The following FBXW11 variants were observed in gnomAD, a reference collection of about 807,000 sequenced individuals.
FBXW11 encodes the protein F-box/WD repeat-containing protein 11.
A neutral mutation model predicts 77.6 loss-of-function variants in FBXW11; 19 were observed. The ratio of observed to expected loss-of-function variants is 0.24; its 90% CI spans 0.17 to 0.36. The LOEUF is 0.36. Ranked by LOEUF, FBXW11 falls within the 10% of genes least tolerant of loss-of-function variation. The pLI is 1.00. For missense variants in FBXW11, 334 were observed against 704.2 expected (o/e 0.47, Z 5.95); for synonymous variants, 235 against 249.4 (o/e 0.94, Z 0.54).
At chr5:171,939,621 C>T (rs1432054291) in intron 2 of FBXW11, among the ~76,000 whole-genome samples, 1 of 150,988 alleles carries the variant, frequency 6.6e-6, no homozygotes, top group East Asian at 1.9e-4. Context: ...TCACTTGATC[C>T]CAGGAGTGGA....
intron 1 of FBXW11, among the ~76,000 whole-genome samples, chr5:171,983,114 C>T (rs1354844088): frequency 6.6e-6 from 1 of 151,994 alleles, no homozygotes; most frequent in Non-Finnish European, 1.5e-5. Context: ...TGCTTAAGCC[C>T]GAAAGGTCAA....
At chr5:171,926,477 G>A (rs755661847) in intron 2 of FBXW11, among the ~76,000 whole-genome samples, 8 of 152,132 alleles carry the variant, frequency 5.3e-5, no homozygotes, top group Non-Finnish European at 1.0e-4. Context: ...TCATGGGAGC[G>A]GTTTCTCATG....
At position 171,891,539 on chromosome 5, in the gene FBXW11, A is replaced by G. The variant is rs756863609; in HGVS notation, c.780T>C (p.Asn260=). ...ACTGTAAACAGTAGACACCTTTACT[A>G]TTTTCAGAGCGGCACTGAATCCTCT... is the stretch of plus-strand genomic sequence containing the variant. ...NLQRIQCRSE[N]SKGVYCLQYD... The change falls in exon 7 of 14, where the codon AAT becomes AAC. Residue 260 remains asparagine, a synonymous_variant. Transcript: ENST00000517395. 8 of 1,611,608 alleles carry G rather than the reference A, an allele frequency of 5.0e-6. No homozygotes were observed.
At chr5:171,973,590 T>C (rs1462970064) in intron 1 of FBXW11, among the ~76,000 whole-genome samples, 1 of 152,204 alleles carries the variant, frequency 6.6e-6, no homozygotes, top group Non-Finnish European at 1.5e-5. Context: ...AGTGTAAGGA[T>C]GGTATCCTGG....
At chr5:171,960,453 A>G (rs1374460506) in intron 1 of FBXW11, among the ~76,000 whole-genome samples, 1 of 152,210 alleles carries the variant, frequency 6.6e-6, no homozygotes, top group East Asian at 1.9e-4. Flanking sequence ...ACGTAAATCA[A>G]TTTTTACTTA....
At chr5:171,964,204 T>C (rs1764061739) in intron 1 of FBXW11, among the ~76,000 whole-genome samples, 1 of 152,204 alleles carries the variant, frequency 6.6e-6, no homozygotes, top group South Asian at 2.1e-4. Context: ...TTACCAACTT[T>C]CATACTCAGT....
chr5:171,936,177 T>G (rs2113124939), intron 2 of FBXW11, among the ~76,000 whole-genome samples: 1 of 149,932 alleles, frequency 6.7e-6, no homozygotes, highest in South Asian at 2.1e-4. Flanking sequence ...CATGTCATAT[T>G]CAGACAAAGA....
At chr5:171,889,074 G>GA (rs1427262942) in intron 7 of FBXW11, among the ~76,000 whole-genome samples, 16 of 152,086 alleles carry the variant, frequency 1.1e-4, no homozygotes, top group Admixed American at 1.0e-3. Context: ...AATTGGTACA[G>GA]AAAAAAATAT....
At chr5:171,945,743 C>G (rs757696529) in intron 2 of FBXW11, among the ~76,000 whole-genome samples, 3 of 152,182 alleles carry the variant, frequency 2.0e-5, no homozygotes, top group Non-Finnish European at 4.4e-5. Flanking sequence ...TCCAAATCAC[C>G]GCTGACTAAA....
intron 10 of FBXW11, among the ~76,000 whole-genome samples, chr5:171,872,550 C>T (rs1757816795): frequency 6.6e-6 from 1 of 152,080 alleles, no homozygotes; most frequent in African/African-American, 2.4e-5. Context: ...GGTGGGAGCT[C>T]ACAGGTGAGG....
chr5:171,986,136 G>A (rs573985625), intron 1 of FBXW11, among the ~76,000 whole-genome samples: 9 of 152,242 alleles, frequency 5.9e-5, no homozygotes, highest in African/African-American at 1.2e-4. Context: ...GGCCAGGAGC[G>A]GTGGCTCACA....
intron 3 of FBXW11, among the ~76,000 whole-genome samples, chr5:171,913,818 T>TACATACAC (rs1761041404): frequency 1.5e-5 from 1 of 65,324 alleles, no homozygotes; most frequent in Admixed American, 1.7e-4. Context: ...CACACACACA[T>TACATACAC]ACACACACAC....
intron 1 of FBXW11, among the ~76,000 whole-genome samples, chr5:171,965,342 T>C (rs1323988698): frequency 2.6e-5 from 4 of 152,006 alleles, no homozygotes; most frequent in Admixed American, 6.6e-5. Context: ...CTGGCCAACA[T>C]AGTGAAAGCC....
chr5:171,971,815 T>G (rs1013317090), intron 1 of FBXW11, among the ~76,000 whole-genome samples: 3 of 152,110 alleles, frequency 2.0e-5, no homozygotes, highest in Admixed American at 1.3e-4. Flanking sequence ...AAACCTTATC[T>G]CTACAAAAGA....
intron 2 of FBXW11, among the ~76,000 whole-genome samples, chr5:171,937,925 T>TA: frequency 6.6e-6 from 1 of 151,802 alleles, no homozygotes; most frequent in East Asian, 1.9e-4. Context: ...AACTAAACCT[T>TA]AAATGACAAA....
chr5:171,901,963 CG>C (rs1760148871), intron 4 of FBXW11, among the ~76,000 whole-genome samples: 1 of 152,112 alleles, frequency 6.6e-6, no homozygotes, highest in East Asian at 1.9e-4. Context: ...ACACGTTAAA[CG>C]GGTCAGAACC....
intron 1 of FBXW11, among the ~76,000 whole-genome samples, chr5:171,973,358 T>C (rs754678102): frequency 1.3e-5 from 2 of 152,158 alleles, no homozygotes; most frequent in South Asian, 4.1e-4. Flanking sequence ...CAAAGAGATA[T>C]AAGAAACTAT....
intron 7 of FBXW11, among the ~76,000 whole-genome samples, chr5:171,879,707 A>T (rs138917031): frequency 6.6e-6 from 1 of 152,236 alleles, no homozygotes. Context: ...ACAATGTGTA[A>T]CATCTTTTCA....
chr5:172,000,100 A>AGGGTAACGAGCACATTCTT (rs1252147822), intron 1 of FBXW11, among the ~76,000 whole-genome samples: 3 of 152,220 alleles, frequency 2.0e-5, no homozygotes, highest in African/African-American at 7.2e-5. Context: ...AAACTAACCA[A>AGGGTAACGAGCACATTCTT]GGGTAACGAG....
Sources: gnomAD v4.1 joint callset for allele counts (sites outside exome capture counted in the v4.1 genomes callset) on GRCh38, gnomAD v4.1.1 for gene constraint, MANE v1.5 for transcripts, NCBI Gene and HGNC (gene_info 2026-07-23, HGNC 2026-07-21) for gene names.